ADAM23: variants seen among roughly 807,000 people sequenced by gnomAD.
ADAM23 encodes disintegrin and metalloproteinase domain-containing protein 23.
Under a neutral mutation model 120.1 loss-of-function variants are expected in ADAM23, and 33 were observed. The ratio of observed to expected loss-of-function variants is 0.27; its 90% CI spans 0.21 to 0.37. The LOEUF is 0.37. Ranked by LOEUF, ADAM23 falls within the 10% of genes least tolerant of loss-of-function variation. The pLI is 1.00. For missense variants in ADAM23, 862 were observed against 1,058.2 expected (o/e 0.81, Z 2.57); for synonymous variants, 367 against 375.2 (o/e 0.98, Z 0.25).
intron 3 of ADAM23, among the ~76,000 whole-genome samples, chr2:206,518,720 A>G (rs1696782781): frequency 6.6e-6 from 1 of 152,096 alleles, no homozygotes; most frequent in South Asian, 2.1e-4. Context: ...ATCACTTTAC[A>G]TCTTGGTAAT....
At chr2:206,532,487 C>T (rs181196358) in intron 4 of ADAM23, among the ~76,000 whole-genome samples, 15 of 152,280 alleles carry the variant, frequency 9.9e-5, no homozygotes, top group African/African-American at 3.6e-4. Context: ...ATTGTGTTCA[C>T]TGCAGTTTGT....
chr2:206,544,641 C>T (rs1345576836), intron 6 of ADAM23, among the ~76,000 whole-genome samples: 2 of 137,858 alleles, frequency 1.5e-5, no homozygotes, highest in East Asian at 4.2e-4. Flanking sequence ...TTGAGATAGT[C>T]TCGCTCTTTC....
chr2:206,534,026 T>C (rs1239821143), intron 4 of ADAM23, among the ~76,000 whole-genome samples: 1 of 152,218 alleles, frequency 6.6e-6, no homozygotes, highest in Non-Finnish European at 1.5e-5. Context: ...TTTAAACAAA[T>C]TTATTGGGAT....
At chr2:206,500,761 T>C (rs561616499) in intron 3 of ADAM23, among the ~76,000 whole-genome samples, 1 of 152,288 alleles carries the variant, frequency 6.6e-6, no homozygotes, top group East Asian at 1.9e-4. Context: ...GGAGATACTT[T>C]CCTGCCAGCA....
intron 2 of ADAM23, among the ~76,000 whole-genome samples, chr2:206,464,362 G>T (rs2105862455): frequency 6.6e-6 from 1 of 152,204 alleles, no homozygotes; most frequent in Non-Finnish European, 1.5e-5. Flanking sequence ...ATCACCTGAG[G>T]TCAGGAGTTT....
chr2:206,549,891 G>A (rs989452629), intron 8 of ADAM23, among the ~76,000 whole-genome samples: 1 of 151,994 alleles, frequency 6.6e-6, no homozygotes, highest in African/African-American at 2.4e-5. Context: ...ATAAAATACA[G>A]TTATTTTCTA....
At chr2:206,497,581 GA>G (rs1696282279) in intron 3 of ADAM23, among the ~76,000 whole-genome samples, 1 of 152,142 alleles carries the variant, frequency 6.6e-6, no homozygotes, top group Non-Finnish European at 1.5e-5. Context: ...CATTCCCTTT[GA>G]AAACTGGCAC....
At chr2:206,469,903 A>G (rs943512646) in intron 2 of ADAM23, among the ~76,000 whole-genome samples, 1 of 152,190 alleles carries the variant, frequency 6.6e-6, no homozygotes, top group Non-Finnish European at 1.5e-5. Flanking sequence ...GTCTTTGCTC[A>G]AATATCAGCT....
chr2:206,582,193 A>T (rs950683319), intron 18 of ADAM23, among the ~76,000 whole-genome samples: 1 of 152,096 alleles, frequency 6.6e-6, no homozygotes, highest in African/African-American at 2.4e-5. Context: ...TTCTTAGGTC[A>T]TTAGTAATTG....
intron 2 of ADAM23, among the ~76,000 whole-genome samples, chr2:206,449,643 A>G (rs1695150902): frequency 1.3e-5 from 2 of 152,158 alleles, no homozygotes; most frequent in South Asian, 4.1e-4. Context: ...AGTGGTGCGC[A>G]CCTGTAATCC....
intron 8 of ADAM23, among the ~76,000 whole-genome samples, chr2:206,549,879 T>C (rs1236554147): frequency 6.6e-6 from 1 of 152,114 alleles, no homozygotes; most frequent in African/African-American, 2.4e-5. Flanking sequence ...ACCTTAATGA[T>C]AATAAAATAC....
intron 4 of ADAM23, among the ~76,000 whole-genome samples, chr2:206,534,471 A>C (rs1697132160): frequency 6.6e-6 from 1 of 151,636 alleles, no homozygotes; most frequent in African/African-American, 2.4e-5. Context: ...CCATCACCTC[A>C]CATAGTTATC....
intron 4 of ADAM23, among the ~76,000 whole-genome samples, chr2:206,539,955 A>G (rs1697256494): frequency 6.6e-6 from 1 of 152,198 alleles, no homozygotes; most frequent in Admixed American, 6.5e-5. Flanking sequence ...TAGCTATTAA[A>G]ACTTTCTTAT....
intron 3 of ADAM23, among the ~76,000 whole-genome samples, chr2:206,499,452 A>T (rs1696334064): frequency 1.4e-5 from 2 of 141,976 alleles, no homozygotes; most frequent in South Asian, 2.4e-4. Flanking sequence ...ATGAGAACAC[A>T]TGGACACAGG....
chr2:206,568,166 A>T (rs917741743), intron 15 of ADAM23, among the ~76,000 whole-genome samples: 20 of 151,962 alleles, frequency 1.3e-4, no homozygotes, highest in Non-Finnish European at 2.6e-4. Flanking sequence ...TTAGTTCCTT[A>T]TGAATATCAG....
At chr2:206,612,063 C>T (rs1457180233) in intron 25 of ADAM23, among the ~76,000 whole-genome samples, 2 of 152,030 alleles carry the variant, frequency 1.3e-5, no homozygotes, top group Non-Finnish European at 2.9e-5. Flanking sequence ...TTTCATGCCC[C>T]GAAGCAAAGA....
rs140229471 is a variant in ADAM23 at position 206,585,923 on chromosome 2, G to A, written c.1738-1402G>A. Among the ~76,000 whole-genome samples, 501 of 152,340 alleles carry A rather than the reference G, an allele frequency of 3.3e-3. 2 individuals are homozygous for A. The highest frequency in any genetic ancestry group is 0.011 in the African/African-American group (458 of 41,578). ...TCCTAAATTGGCACAGCCCCAGAGA[G>A]TGCCAGCATTGGAGGGGCTGCAGCT... On this transcript the variant is annotated intron_variant, in intron 18 of 25. Coordinates refer to ENST00000264377, the MANE Select transcript of ADAM23 (RefSeq NM_003812.4).
chr2:206,496,473 A>T (rs1696250677), intron 3 of ADAM23, among the ~76,000 whole-genome samples: 1 of 152,192 alleles, frequency 6.6e-6, no homozygotes. Flanking sequence ...GACACAAAAA[A>T]CCAGAATCTC....
chr2:206,575,978 T>G (rs1303391002), intron 18 of ADAM23, among the ~76,000 whole-genome samples: 2 of 152,158 alleles, frequency 1.3e-5, no homozygotes, highest in Non-Finnish European at 2.9e-5. Flanking sequence ...AGTAACATTT[T>G]TGTAAAGGTG....
Sources: gnomAD v4.1 joint callset for allele counts (sites outside exome capture counted in the v4.1 genomes callset) on GRCh38, gnomAD v4.1.1 for gene constraint, MANE v1.5 for transcripts, NCBI Gene and HGNC (gene_info 2026-07-23, HGNC 2026-07-21) for gene names.